Variants in DSC3 observed in about 807,000 individuals in gnomAD.
DSC3 encodes desmocollin 3.
Under a neutral mutation model 89.5 loss-of-function variants are expected in DSC3, and 97 were observed. The observed-to-expected ratio is 1.08, with a 90% CI of 0.92 to 1.28. The LOEUF is 1.28. DSC3 is among the 50% of genes most tolerant of loss of function. The pLI is 0.00. For missense variants in DSC3, 1,199 were observed against 1,085.3 expected (o/e 1.10, Z -1.47); for synonymous variants, 436 against 384.1 (o/e 1.14, Z -1.58).
At chr18:31,019,662 A>T (rs965502949) in intron 7 of DSC3, among the ~76,000 whole-genome samples, 9 of 152,108 alleles carry the variant, frequency 5.9e-5, no homozygotes, top group Admixed American at 5.9e-4. Context: ...GCATGGTGGT[A>T]TGTGTCCGTA....
Position 31,025,780 on chromosome 18 carries a change from C to T in DSC3, c.610G>A (p.Glu204Lys), listed in dbSNP as rs1985576977. Reference sequence around the variant, plus strand: ...CCTACATCAAAAACATCATATTCTTCACGATCCACAGGCCGAGTGCAAAAT... The same window carrying T: ...CCTACATCAAAAACATCATATTCTTTACGATCCACAGGCCGAGTGCAAAAT... ...NLFCTRPVDR[E>K]EYDVFDLIAY... The change falls in exon 5 of 16, where the codon GAA becomes AAA. Residue 204 changes from glutamate to lysine, a missense_variant. By Grantham distance (56) the Glu-to-Lys change is moderately conservative. Transcript: ENST00000360428. 3 of 1,613,022 alleles carry T rather than the reference C, an allele frequency of 1.9e-6. No homozygotes were observed. The highest frequency in any genetic ancestry group is 2.5e-6 in the Non-Finnish European group (3 of 1,179,320).
intron 14 of DSC3, 70 bp from the exon 15 acceptor site, chr18:30,997,118 G>T (rs1283174415): frequency 6.4e-7 from 1 of 1,559,756 alleles, no homozygotes; most frequent in Non-Finnish European, 8.8e-7. Context: ...GAAGGCAAAG[G>T]AGAGAGAATA....
chr18:31,016,138 G>A (rs1236060073), intron 9 of DSC3, among the ~76,000 whole-genome samples: 1 of 152,154 alleles, frequency 6.6e-6, no homozygotes, highest in African/African-American at 2.4e-5. Flanking sequence ...ACTCCTGCCA[G>A]TTTTCCAGAA....
At chr18:31,032,797 T>C (rs892509020) in intron 1 of DSC3, among the ~76,000 whole-genome samples, 3 of 152,166 alleles carry the variant, frequency 2.0e-5, no homozygotes, top group Non-Finnish European at 4.4e-5. Context: ...GGTTTCACCA[T>C]GCTTCTATTT....
At chr18:31,041,933 C>A (rs577241940) in intron 1 of DSC3, among the ~76,000 whole-genome samples, 1 of 152,108 alleles carries the variant, frequency 6.6e-6, no homozygotes, top group Non-Finnish European at 1.5e-5. Flanking sequence ...ACAACACGAC[C>A]CCAACCCCCA....
Position 31,004,251 on chromosome 18 carries a change from C to A in DSC3, c.2004G>T (p.Leu668=). The stretch of plus-strand genomic sequence containing the variant: ...ACTGAGTTGGATGAGTACATTCACA[C>A]AGATTAACTCTCAATAATTTTGTTG... ...QAATKLLRVN[L]CECTHPTQCR... The change falls in exon 13 of 16, where the codon CTG becomes CTT. Residue 668 remains leucine, a synonymous_variant. Coordinates refer to ENST00000360428, the MANE Select transcript of DSC3 (RefSeq NM_001941.5). The A allele has an allele frequency of 6.2e-7, 1 of 1,614,018 alleles. No homozygotes were observed. The highest frequency in any genetic ancestry group is 8.5e-7 in the Non-Finnish European group (1 of 1,179,910).
chr18:31,042,650 G>C lies in DSC3; in HGVS notation c.11C>G (p.Ala4Gly). 1 of 1,549,588 alleles carries C rather than the reference G, an allele frequency of 6.5e-7. No homozygotes were observed. Among genetic ancestry groups the C allele is most frequent in the South Asian group, 1.2e-5 (1 of 84,006 alleles). MAAAGPRRSVRGAV... is the reference protein window; with the variant it reads MAAGGPRRSVRGAV... ...TCCGCGCACGGAGCGCCGGGGCCCAGCGGCGGCCATCGGGATGCCGGGCAG... is the reference window on the plus strand; with the variant it reads ...TCCGCGCACGGAGCGCCGGGGCCCACCGGCGGCCATCGGGATGCCGGGCAG... The change falls in exon 1 of 16, where the codon GCT becomes GGT. Residue 4 changes from alanine to glycine, a missense_variant. Physicochemically the swap from Ala to Gly is moderately conservative, Grantham distance 60. Coordinates refer to ENST00000360428, the MANE Select transcript of DSC3 (RefSeq NM_001941.5).
chr18:30,994,903 A>G (rs1238355742), intron 15 of DSC3, among the ~76,000 whole-genome samples: 1 of 152,236 alleles, frequency 6.6e-6, no homozygotes, highest in African/African-American at 2.4e-5. Context: ...TTAAAGGTAC[A>G]ATACATGTTA....
At chr18:31,024,552 A>G in intron 5 of DSC3, 59 bp from the exon 6 acceptor site, 8 of 1,565,470 alleles carry the variant, frequency 5.1e-6, no homozygotes, top group Admixed American at 3.6e-5. Context: ...ACAGAATAAG[A>G]TGCTTTATCT....
At chr18:31,021,397 A>G (rs1985414063) in intron 7 of DSC3, among the ~76,000 whole-genome samples, 1 of 152,172 alleles carries the variant, frequency 6.6e-6, no homozygotes, top group Non-Finnish European at 1.5e-5. Context: ...TTTTATCTAT[A>G]ACATAAAATG....
intron 15 of DSC3, among the ~76,000 whole-genome samples, chr18:30,995,704 G>T (rs1037989916): frequency 6.6e-6 from 1 of 152,108 alleles, no homozygotes; most frequent in Admixed American, 6.5e-5. Context: ...AAGCCAAGTG[G>T]CTCATGCGTA....
At chr18:31,014,082 CTG>C (rs773758095) in intron 9 of DSC3, among the ~76,000 whole-genome samples, 30 of 151,928 alleles carry the variant, frequency 2.0e-4, no homozygotes, top group Non-Finnish European at 3.7e-4. Flanking sequence ...AATGGCAAAA[CTG>C]TTTACATACT....
chr18:30,994,523 G>T (rs1984391107), intron 15 of DSC3, 151 bp from the exon 16 acceptor site: 1 of 1,558,252 alleles, frequency 6.4e-7, no homozygotes, highest in African/African-American at 1.4e-5. Context: ...CAAATGATTG[G>T]TCTATATCAC....
chr18:31,009,434 G>A (rs948004033), intron 9 of DSC3, among the ~76,000 whole-genome samples: 5 of 152,114 alleles, frequency 3.3e-5, no homozygotes, highest in Non-Finnish European at 7.3e-5. Context: ...AATCCATCCA[G>A]AGTCTCATTT....
intron 7 of DSC3, among the ~76,000 whole-genome samples, chr18:31,020,853 G>T (rs1196363442): frequency 2.0e-5 from 3 of 152,072 alleles, no homozygotes; most frequent in Non-Finnish European, 4.4e-5. Flanking sequence ...GAGGTGGGAG[G>T]ATTGTTTGAG....
Position 31,018,105 on chromosome 18 carries a change from TTGTC to T in DSC3, c.1225_1228del (p.Asp409LysfsTer11), listed in dbSNP as rs551319355. 1.6e-4 allele frequency: 261 copies of T among 1,612,690 alleles called. No homozygotes were observed. Among genetic ancestry groups the T allele is most frequent in the African/African-American group, 8.5e-4 (64 of 75,008 alleles). Reference sequence around the variant, plus strand: ...AGAAAGAACACCTTCATTAGTTTCTTTGTCTGTGCTGATTTTGAAATGTCCATTT... The same window carrying T: ...AGAAAGAACACCTTCATTAGTTTCTTTGTGCTGATTTTGAAATGTCCATTT... On this transcript the variant is annotated frameshift_variant, in exon 9 of 16. Transcript: ENST00000360428. LOFTEE classifies it high-confidence loss of function.
At position 30,991,850 on chromosome 18, in the gene DSC3, A is replaced by G. The variant is rs1984255948; in HGVS notation, c.*2325T>C. ...ACTTTCACACATGTTCAAAATGATT[A>G]CATTAAAAGAAGACGACTTTAAACG... On this transcript the variant is annotated 3_prime_UTR_variant, in exon 16 of 16. Transcript: ENST00000360428. The G allele has an allele frequency of 6.6e-6, 1 of 152,178 alleles. No individual in the cohort carries two copies. The allele number at this position is 152,178 out of a possible 1,614,324, so 9.4% of individuals were successfully genotyped here. A position where few individuals can be genotyped will look rare whatever the true frequency, so the allele number is the denominator to read the frequency against.
intron 9 of DSC3, among the ~76,000 whole-genome samples, chr18:31,017,041 G>A (rs11874773): frequency 0.046 from 6,951 of 152,198 alleles, 520 homozygotes; most frequent in African/African-American, 0.16. Flanking sequence ...AACAAAAGCA[G>A]TCAGTGGTAT....
chr18:31,031,012 T>C lies in DSC3; in HGVS notation c.315A>G (p.Thr105=), dbSNP rs756684861. 6 of 1,614,098 alleles carry C rather than the reference T, an allele frequency of 3.7e-6. No homozygotes were observed. Among genetic ancestry groups the C allele is most frequent in the Non-Finnish European group, 8.5e-7 (1 of 1,179,934 alleles). ...CTAGCAGCACAGTAACCTCTTTCTG[T>C]GTCTGTTTCCTTTTGTCAGAAAGCC... ...TIWLSDKRKQ[T]QKEVTVLLEH... is the part of the protein sequence containing the mutation. Residue 105 remains threonine, a synonymous_variant, in exon 3 of 16, where the codon ACA becomes ACG. Transcript: ENST00000360428.
Sources: allele counts gnomAD v4.1 joint callset (sites outside exome capture counted in the v4.1 genomes callset), GRCh38; gene constraint gnomAD v4.1.1; transcripts MANE v1.5; gene names NCBI Gene and HGNC (gene_info 2026-07-23, HGNC 2026-07-21).